The following LPCAT3 variants were observed in gnomAD, a reference collection of about 807,000 sequenced individuals.
LPCAT3 encodes lysophospholipid acyltransferase 5.
In LPCAT3, 21 loss-of-function variants were observed where a neutral mutation model predicts 63.4. That is an observed-to-expected ratio of 0.33 (90% CI 0.23 to 0.48). The LOEUF is 0.48. LPCAT3 is among the 20% of genes least tolerant of loss of function. LPCAT3 has a pLI of 0.99. For missense variants in LPCAT3, 451 were observed against 590.6 expected (o/e 0.76, Z 2.45); for synonymous variants, 242 against 227.5 (o/e 1.06, Z -0.58).
In LPCAT3 at chr12:6,977,849, G is replaced by C; in HGVS notation, c.1041-104C>G. 7.2e-7 allele frequency: 1 copy of C among 1,389,238 alleles called. No individual in the cohort carries two copies. Among genetic ancestry groups the C allele is most frequent in the Non-Finnish European group, 1.0e-6 (1 of 992,874 alleles). The allele number at this position is 1,389,238 out of a possible 1,614,324, so 86.1% of individuals were successfully genotyped here. A position where few individuals can be genotyped will look rare whatever the true frequency, so the allele number is the denominator to read the frequency against. ...TGAGGATTGGATTGGAGTGCTGGTG[G>C]GTTCCCACGTGTAGCCCCCAGAGGG... On this transcript the variant is annotated intron_variant, in intron 9 of 12. Coordinates refer to ENST00000261407, the MANE Select transcript of LPCAT3 (RefSeq NM_005768.6). The surrounding 1 kb of genome is among the most constrained non-coding windows in gnomAD (Gnocchi z 4.5).
At chr12:6,980,308 G>A (rs1445146189) in intron 6 of LPCAT3, among the ~76,000 whole-genome samples, 4 of 152,126 alleles carry the variant, frequency 2.6e-5, no homozygotes, top group Admixed American at 1.3e-4. Flanking sequence ...CTCCCAGAGC[G>A]TTGGCATTAC....
chr12:6,984,331 T>C (rs755435017), intron 1 of LPCAT3, among the ~76,000 whole-genome samples: 46 of 152,352 alleles, frequency 3.0e-4, no homozygotes, highest in Non-Finnish European at 5.6e-4. Flanking sequence ...AAGGGTTGCT[T>C]ATTGAATTAA....
intron 6 of LPCAT3, 105 bp downstream of exon 6, chr12:6,980,899 C>T: frequency 8.5e-7 from 1 of 1,177,000 alleles, no homozygotes; most frequent in Non-Finnish European, 1.2e-6. Context: ...CTGCATGACT[C>T]AGGTCTCTAT....
At chr12:6,980,536 TG>T (rs1408511180) in intron 6 of LPCAT3, among the ~76,000 whole-genome samples, 1 of 151,834 alleles carries the variant, frequency 6.6e-6, no homozygotes, top group Admixed American at 6.6e-5. Flanking sequence ...TGTATTTTTT[TG>T]TAGAGACAGA....
chr12:6,988,057 A>AG, intron 1 of LPCAT3: 1 of 358,556 alleles, frequency 2.8e-6, no homozygotes, highest in East Asian at 4.0e-5. Flanking sequence ...GTGTAAAAAA[A>AG]AAAAGATTTA....
Position 6,978,683 on chromosome 12 carries a change from G to A in LPCAT3, c.793C>T (p.Pro265Ser). 1 of 1,614,088 alleles carries A rather than the reference G, an allele frequency of 6.2e-7. No homozygotes were observed. Among genetic ancestry groups the A allele is most frequent in the South Asian group, 1.1e-5 (1 of 91,066 alleles). ...ATGTACATGCAGCGGAACCAGAAGG[G>A]GTGGTTCTTGAGGGAAGAAAGCACA... ...YLLTEDYDNHPFWFRCMYMLI... is the reference protein window; with the variant it reads ...YLLTEDYDNHSFWFRCMYMLI... The change falls in exon 8 of 13, where the codon CCC (proline) becomes TCC (serine). Residue 265 changes from proline to serine, a missense_variant. Coordinates refer to ENST00000261407, the MANE Select transcript of LPCAT3 (RefSeq NM_005768.6).
At chr12:6,999,916 CTTTTTTTT>C (rs782553121) in intron 1 of LPCAT3, among the ~76,000 whole-genome samples, 48 of 114,534 alleles carry the variant, frequency 4.2e-4, no homozygotes, top group Non-Finnish European at 7.6e-4. Flanking sequence ...TACTTACATT[CTTTTTTTT>C]TTTTTTTTTT....
Position 6,990,181 on chromosome 12 carries a change from C to G in LPCAT3, c.152-6642G>C, listed in dbSNP as rs372039169. 2.2e-4 allele frequency among the ~76,000 whole-genome samples: 30 copies of G among 137,998 alleles called. 1 individual carries two copies. Among genetic ancestry groups the G allele is most frequent in the Middle Eastern group, 0.012 (2 of 172 alleles). The allele number at this position is 137,998 out of a possible 152,430, so 90.5% of individuals were successfully genotyped here. A position where few individuals can be genotyped will look rare whatever the true frequency, so the allele number is the denominator to read the frequency against. On this transcript the variant is annotated intron_variant, in intron 1 of 12. Coordinates refer to ENST00000261407, the MANE Select transcript of LPCAT3 (RefSeq NM_005768.6). ...CAACAAAGTTGTTTTTTTTGAGACC[C>G]TGTCTCAAAAATAAATAAATAAATA...
At chr12:7,014,702 C>A (rs1186110941) in intron 1 of LPCAT3, among the ~76,000 whole-genome samples, 1 of 151,902 alleles carries the variant, frequency 6.6e-6, no homozygotes, top group Non-Finnish European at 1.5e-5. Context: ...TGAGACCATC[C>A]TAGCCAACAT....
chr12:6,987,535 G>A lies in LPCAT3; in HGVS notation c.152-3996C>T, dbSNP rs1946541161. On this transcript the variant is annotated intron_variant, in intron 1 of 12. Coordinates refer to ENST00000261407, the MANE Select transcript of LPCAT3 (RefSeq NM_005768.6). The surrounding 1 kb of genome is among the most constrained non-coding windows in gnomAD (Gnocchi z 4.1). ...AAGAACTAGAGCCAGGAACTAGAAA[G>A]TATATAGACTAAATGTCAATGCCTT... Among the ~76,000 whole-genome samples the A allele has an allele frequency of 6.6e-6, 1 of 152,214 alleles. No homozygotes were observed. The highest frequency in any genetic ancestry group is 2.4e-5 in the African/African-American group (1 of 41,446).
chr12:6,981,478 A>G, intron 5 of LPCAT3, 117 bp downstream of exon 5: 2 of 1,017,974 alleles, frequency 2.0e-6, no homozygotes. Context: ...GAGATTGCAC[A>G]GGCTGGGGAA....
Position 6,977,348 on chromosome 12 carries a change from C to CA in LPCAT3, c.1347+18dup. On this transcript the variant is annotated intron_variant, in intron 11 of 12. Coordinates refer to ENST00000261407, the MANE Select transcript of LPCAT3 (RefSeq NM_005768.6). The surrounding 1 kb of genome is among the most constrained non-coding windows in gnomAD (Gnocchi z 4.5). ...TTGCAGTGAGTCCCTCCCAGTCTCA[C>CA]AAGCAGGCCTTCACTTGCCTTAAGC... 6.2e-7 allele frequency: 1 copy of CA among 1,614,070 alleles called. No individual in the cohort carries two copies. Among genetic ancestry groups the CA allele is most frequent in the Non-Finnish European group, 8.5e-7 (1 of 1,179,920 alleles).
At chr12:6,979,033 C>T in intron 7 of LPCAT3, 1 of 303,650 alleles carries the variant, frequency 3.3e-6, no homozygotes, top group Non-Finnish European at 6.1e-6. Flanking sequence ...AGAAACCTGC[C>T]CAGAATTACT....
intron 1 of LPCAT3, among the ~76,000 whole-genome samples, chr12:6,992,097 T>C (rs2138343983): frequency 6.6e-6 from 1 of 151,984 alleles, no homozygotes; most frequent in South Asian, 2.1e-4. Context: ...ATTCAAGGAC[T>C]GACATTTGAT....
chr12:6,988,115 G>A (rs1461645670), intron 1 of LPCAT3: 1 of 274,918 alleles, frequency 3.6e-6, no homozygotes, highest in Non-Finnish European at 6.7e-6. Flanking sequence ...CTTAGGCCTG[G>A]TAACATCTGT....
At chr12:6,991,408 T>A (rs1292100742) in intron 1 of LPCAT3, among the ~76,000 whole-genome samples, 1 of 152,236 alleles carries the variant, frequency 6.6e-6, no homozygotes, top group African/African-American at 2.4e-5. Flanking sequence ...CTTTGTAACA[T>A]CACACATAGA....
intron 1 of LPCAT3, among the ~76,000 whole-genome samples, chr12:6,998,288 T>C (rs928873563): frequency 6.6e-6 from 1 of 152,226 alleles, no homozygotes; most frequent in African/African-American, 2.4e-5. Context: ...AGTATTGGCA[T>C]TACAGGTGTG....
intron 1 of LPCAT3, among the ~76,000 whole-genome samples, chr12:6,984,179 T>C (rs1467786823): frequency 6.6e-6 from 1 of 152,234 alleles, no homozygotes; most frequent in Non-Finnish European, 1.5e-5. Flanking sequence ...CAGTCTGTAA[T>C]CTGGGCATCA....
chr12:7,014,240 A>C (rs1946783293), intron 1 of LPCAT3, among the ~76,000 whole-genome samples: 1 of 152,206 alleles, frequency 6.6e-6, no homozygotes. Context: ...CTTTGAGTGC[A>C]GGGCTCCTGA....
Sources: allele counts gnomAD v4.1 joint callset (sites outside exome capture counted in the v4.1 genomes callset), GRCh38; gene constraint gnomAD v4.1.1; non-coding constraint Gnocchi (gnomAD v3.1); transcripts MANE v1.5; gene names NCBI Gene and HGNC (gene_info 2026-07-23, HGNC 2026-07-21).